Variants in TENM4 observed in about 807,000 individuals in gnomAD.
TENM4 encodes the protein teneurin transmembrane protein 4, also known as teneurin-4.
Under a neutral mutation model 243.3 loss-of-function variants are expected in TENM4, and 82 were observed. The observed-to-expected ratio is 0.34, with a 90% confidence interval of 0.28 to 0.40. TENM4 has a LOEUF of 0.40. TENM4 is among the 10% of genes least tolerant of loss of function. The probability of loss-of-function intolerance (pLI) is 1.00; values close to 1 mark genes in which losing one functional copy is unlikely to be tolerated. For synonymous variants in TENM4, 1,412 were observed against 1,456.3 expected (o/e 0.97, Z 0.69); for missense variants, 3,138 against 3,673.3 (o/e 0.85, Z 3.77).
intron 2 of TENM4, among the ~76,000 whole-genome samples, chr11:79,216,783 G>C (rs778632991): frequency 6.6e-6 from 1 of 152,208 alleles, no homozygotes; most frequent in South Asian, 2.1e-4. Flanking sequence ...CTCCAGAACT[G>C]TGAGCTAAAT....
intron 1 of TENM4, among the ~76,000 whole-genome samples, chr11:79,379,383 G>A (rs1009753172): frequency 6.6e-6 from 1 of 152,126 alleles, no homozygotes; most frequent in Non-Finnish European, 1.5e-5. Flanking sequence ...CCGTGTTATC[G>A]GAAGACCTCT....
At chr11:78,876,093 C>T (rs1360127338) in intron 9 of TENM4, among the ~76,000 whole-genome samples, 1 of 152,204 alleles carries the variant, frequency 6.6e-6, no homozygotes, top group African/African-American at 2.4e-5. Context: ...ACTTACCAGC[C>T]ATTCCAGCCG....
chr11:79,181,600 A>G (rs1310844999), intron 3 of TENM4, among the ~76,000 whole-genome samples: 1 of 152,132 alleles, frequency 6.6e-6, no homozygotes, highest in African/African-American at 2.4e-5. Flanking sequence ...CTAAAACAAT[A>G]AGACAAGAAA....
intron 1 of TENM4, among the ~76,000 whole-genome samples, chr11:79,391,517 A>T (rs1337935367): frequency 6.6e-6 from 1 of 152,208 alleles, no homozygotes; most frequent in Non-Finnish European, 1.5e-5. Flanking sequence ...TTATATAGTA[A>T]AGTAGCAAAT....
chr11:79,409,668 G>A (rs979417584), intron 1 of TENM4, among the ~76,000 whole-genome samples: 3 of 152,112 alleles, frequency 2.0e-5, no homozygotes, highest in Non-Finnish European at 4.4e-5. Context: ...CAGACACTAC[G>A]GATGCCCTCA....
At chr11:78,855,921 A>G in intron 11 of TENM4, 43 bp downstream of exon 11, 2 of 1,531,660 alleles carry the variant, frequency 1.3e-6, no homozygotes, top group Admixed American at 2.0e-5. Flanking sequence ...GATTTGAGGT[A>G]GGAGCCCATG....
intron 10 of TENM4, among the ~76,000 whole-genome samples, chr11:78,856,489 C>A (rs1858684742): frequency 6.6e-6 from 1 of 152,128 alleles, no homozygotes. Flanking sequence ...ATATTTTGAT[C>A]CTAAAAATAA....
chr11:79,440,560 G>A lies in TENM4; in HGVS notation c.-372C>T, dbSNP rs970967442. 2 of 152,246 alleles carry A rather than the reference G, an allele frequency of 1.3e-5. No individual in the cohort carries two copies. The highest frequency in any genetic ancestry group is 4.8e-5 in the African/African-American group (2 of 41,444). 9.4% of individuals were successfully genotyped at this position (152,246 alleles called of 1,614,324 possible). On this transcript the variant is annotated 5_prime_UTR_variant, in exon 1 of 34. Transcript: ENST00000278550. This position sits in a 1 kb window ranked among gnomAD's most constrained non-coding sequence, Gnocchi z 4.7. ...GAAGCGGCGAGGACGGCGGCAGGGA[G>A]GCAAGGCGCCGCGCCGGTGGCTCCT...
intron 6 of TENM4, among the ~76,000 whole-genome samples, chr11:79,001,385 TG>T (rs1287792049): frequency 6.6e-6 from 1 of 152,134 alleles, no homozygotes; most frequent in Non-Finnish European, 1.5e-5. Context: ...AGCACCAGCC[TG>T]GCCCTCAGCA....
At chr11:79,152,333 T>C (rs911228573) in intron 3 of TENM4, among the ~76,000 whole-genome samples, 1 of 152,184 alleles carries the variant, frequency 6.6e-6, no homozygotes, top group African/African-American at 2.4e-5. Flanking sequence ...AGTGAACGGC[T>C]ACAACCACTT....
chr11:78,873,166 CT>C (rs1859180305), intron 9 of TENM4, among the ~76,000 whole-genome samples: 1 of 152,306 alleles, frequency 6.6e-6, no homozygotes, highest in Non-Finnish European at 1.5e-5. Flanking sequence ...TCCTGCCCCC[CT>C]GCCTTTATCT....
intron 1 of TENM4, among the ~76,000 whole-genome samples, chr11:79,413,786 T>C (rs1317995250): frequency 1.3e-5 from 2 of 152,168 alleles, no homozygotes; most frequent in African/African-American, 2.4e-5. Flanking sequence ...GGAATAAACA[T>C]CATATTGTGG....
chr11:78,887,922 T>C (rs1855580966), intron 9 of TENM4, among the ~76,000 whole-genome samples: 1 of 152,226 alleles, frequency 6.6e-6, no homozygotes, highest in Non-Finnish European at 1.5e-5. Flanking sequence ...TTATGACTTA[T>C]GACTGCCTGT....
chr11:79,011,723 G>A (rs1858647759), intron 6 of TENM4, among the ~76,000 whole-genome samples: 1 of 152,200 alleles, frequency 6.6e-6, no homozygotes, highest in South Asian at 2.1e-4. Context: ...CCCACCTGCT[G>A]GGAGAAACTT....
At chr11:79,152,826 A>C (rs1862536600) in intron 3 of TENM4, among the ~76,000 whole-genome samples, 1 of 152,224 alleles carries the variant, frequency 6.6e-6, no homozygotes, top group Admixed American at 6.5e-5. Context: ...CCTTTTAGTG[A>C]GCAGGAAGAT....
chr11:78,983,839 G>A (rs1218106745), intron 6 of TENM4, among the ~76,000 whole-genome samples: 2 of 152,248 alleles, frequency 1.3e-5, no homozygotes, highest in Non-Finnish European at 2.9e-5. Flanking sequence ...AGGGAGGCAG[G>A]AGCCCTGGCT....
At chr11:79,313,075 G>A (rs538584533) in intron 1 of TENM4, among the ~76,000 whole-genome samples, 47 of 152,222 alleles carry the variant, frequency 3.1e-4, no homozygotes, top group African/African-American at 1.1e-3. Flanking sequence ...ACCTAAAAAC[G>A]GAAGGCAAGG....
At chr11:79,240,600 A>G (rs916712147) in intron 2 of TENM4, among the ~76,000 whole-genome samples, 3 of 152,356 alleles carry the variant, frequency 2.0e-5, no homozygotes, top group South Asian at 4.1e-4. Flanking sequence ...CCAGGTTACT[A>G]GTAACCATTT....
At chr11:79,100,146 T>C (rs1861189335) in intron 4 of TENM4, among the ~76,000 whole-genome samples, 1 of 152,198 alleles carries the variant, frequency 6.6e-6, no homozygotes, top group Non-Finnish European at 1.5e-5. Context: ...ATGCAAATCA[T>C]AGGGTTTCCG....
Sources: allele counts gnomAD v4.1 joint callset (sites outside exome capture counted in the v4.1 genomes callset), GRCh38; gene constraint gnomAD v4.1.1; non-coding constraint Gnocchi (gnomAD v3.1); transcripts MANE v1.5; gene names NCBI Gene and HGNC (gene_info 2026-07-23, HGNC 2026-07-21).